CHKA: variants seen among roughly 807,000 people sequenced by gnomAD.
CHKA encodes CHETK-alpha.
A neutral mutation model predicts 60.1 loss-of-function variants in CHKA; 34 were observed. The observed-to-expected ratio is 0.57, with a 90% CI of 0.43 to 0.75. The LOEUF is 0.75. Ranked by LOEUF, CHKA falls within the 30% of genes least tolerant of loss-of-function variation. The pLI is 0.00. For synonymous variants in CHKA, 217 were observed against 223.1 expected (o/e 0.97, Z 0.24); for missense variants, 563 against 561.3 (o/e 1.00, Z -0.03).
intron 1 of CHKA, among the ~76,000 whole-genome samples, chr11:68,116,852 T>A (rs1004486314): frequency 2.0e-5 from 3 of 152,156 alleles, no homozygotes; most frequent in African/African-American, 7.2e-5. Flanking sequence ...TAACAACAAC[T>A]CTCATGTTAG....
intron 2 of CHKA, among the ~76,000 whole-genome samples, chr11:68,095,899 G>A (rs879707744): frequency 4.1e-5 from 6 of 146,184 alleles, no homozygotes; most frequent in African/African-American, 7.6e-5. Context: ...AAAATTAGGC[G>A]GGTGTAGTGG....
chr11:68,070,793 A>G lies in CHKA; in HGVS notation c.695T>C (p.Met232Thr), dbSNP rs752926601. The G allele has an allele frequency of 6.2e-7, 1 of 1,613,246 alleles. No homozygotes were observed. Among genetic ancestry groups the G allele is most frequent in the East Asian group, 2.2e-5 (1 of 44,854 alleles). ...PDISAEIAEK[M>T]ATFHGMKMPF... ...CATTTTCATACCATGAAATGTAGCC[A>G]TTTTCTCGGCGATTTCTGCAGAAAT... is the stretch of plus-strand genomic sequence containing the variant. Residue 232 changes from methionine to threonine, a missense_variant, in exon 5 of 12, where the codon ATG (methionine) becomes ACG (threonine). Physicochemically the swap from Met to Thr is moderately conservative, Grantham distance 81 (BLOSUM62 -1). Coordinates refer to ENST00000265689, the MANE Select transcript of CHKA (RefSeq NM_001277.3).
intron 2 of CHKA, among the ~76,000 whole-genome samples, chr11:68,089,043 C>A (rs2511437): frequency 0.62 from 93,568 of 152,092 alleles, 28,833 homozygotes; most frequent in Middle Eastern, 0.75. Context: ...GCCTAAAACA[C>A]CTTGATCTTT....
chr11:68,085,752 G>T (rs1362469746), intron 2 of CHKA, among the ~76,000 whole-genome samples: 1 of 151,792 alleles, frequency 6.6e-6, no homozygotes, highest in African/African-American at 2.4e-5. Flanking sequence ...AGGCTTTGGG[G>T]TTTTTTTGTT....
intron 11 of CHKA, among the ~76,000 whole-genome samples, chr11:68,054,955 T>C (rs1855950740): frequency 6.6e-6 from 1 of 152,256 alleles, no homozygotes; most frequent in African/African-American, 2.4e-5. Context: ...CTCAGCGTGC[T>C]GTCTCTGAGT....
At chr11:68,058,818 C>T (rs1856118609) in intron 11 of CHKA, among the ~76,000 whole-genome samples, 1 of 152,192 alleles carries the variant, frequency 6.6e-6, no homozygotes, top group Non-Finnish European at 1.5e-5. Flanking sequence ...AACAGGCGTC[C>T]TTGCATGTTC....
intron 1 of CHKA, among the ~76,000 whole-genome samples, chr11:68,114,313 T>C (rs1418659137): frequency 6.6e-6 from 1 of 152,224 alleles, no homozygotes; most frequent in Non-Finnish European, 1.5e-5. Context: ...CCAGATGTCC[T>C]TCAGTAGATG....
intron 2 of CHKA, among the ~76,000 whole-genome samples, chr11:68,095,636 G>A (rs1168538254): frequency 7.0e-6 from 1 of 142,890 alleles, no homozygotes; most frequent in African/African-American, 2.6e-5. Context: ...GTGAACCCGG[G>A]AGGCAGAGTT....
rs1856792214 is a variant in CHKA at position 68,076,456 on chromosome 11, G to A, written c.517-1626C>T. Reference sequence around the variant, plus strand: ...AAGCCCAACATCACAGAAAGTATCCGGGGCATTTAAGCAAGGGTCTGCAAA... The same window carrying A: ...AAGCCCAACATCACAGAAAGTATCCAGGGCATTTAAGCAAGGGTCTGCAAA... On this transcript the variant is annotated intron_variant, in intron 3 of 11. Coordinates refer to ENST00000265689, the MANE Select transcript of CHKA (RefSeq NM_001277.3). 3.3e-5 allele frequency among the ~76,000 whole-genome samples: 5 copies of A among 152,156 alleles called. No homozygotes were observed. The South Asian group carries it at 8.3e-4, about 25-fold the overall frequency.
intron 11 of CHKA, chr11:68,061,502 AC>A: frequency 3.9e-6 from 1 of 253,794 alleles, no homozygotes. Context: ...CCAGCTTCCA[AC>A]CCAAAGTCGG....
intron 2 of CHKA, among the ~76,000 whole-genome samples, chr11:68,086,202 T>C (rs965848667): frequency 4.5e-4 from 69 of 152,120 alleles, no homozygotes; most frequent in African/African-American, 1.6e-3. Context: ...AAGTCTCAGC[T>C]ACTCGGGAAG....
intron 4 of CHKA, among the ~76,000 whole-genome samples, chr11:68,071,204 C>T (rs1856606569): frequency 6.6e-6 from 1 of 152,196 alleles, no homozygotes; most frequent in Non-Finnish European, 1.5e-5. Context: ...TGCTGAAGTC[C>T]ATGTCTTCAG....
chr11:68,064,224 T>C (rs1475807601), intron 10 of CHKA, among the ~76,000 whole-genome samples: 5 of 152,076 alleles, frequency 3.3e-5, no homozygotes, highest in Non-Finnish European at 7.4e-5. Context: ...CTGGCCAACA[T>C]GGCAAAAACC....
At position 68,101,034 on chromosome 11, in the gene CHKA, A is replaced by C. The variant is rs991731531; in HGVS notation, c.351-3904T>G. On this transcript the variant is annotated intron_variant, in intron 1 of 11. Coordinates refer to ENST00000265689, the MANE Select transcript of CHKA (RefSeq NM_001277.3). ...GCGATCTCGGCTCACTGCAAGCTCC[A>C]CCTCCCAGGTTCACACCATTCTCCT... Among the ~76,000 whole-genome samples the C allele has an allele frequency of 4.0e-5, 5 of 125,444 alleles. No homozygotes were observed. In the Admixed American group the frequency reaches 5.6e-4, roughly 14 times the overall value. 82.3% of individuals were successfully genotyped at this position (125,444 alleles called of 152,430 possible).
Position 68,065,883 on chromosome 11 carries a change from A to G in CHKA, c.1028T>C (p.Ile343Thr), listed in dbSNP as rs1208002620. ...CATCCACTCACAGAAGTGATTTCCA[A>G]TGTCGAATCCCCTGAAATAAGACAT... Reference protein sequence around the residue: ...YSSYNYRGFDIGNHFCEWMYD... With the variant: ...YSSYNYRGFDTGNHFCEWMYD... The change falls in exon 9 of 12, where the codon ATT (isoleucine) becomes ACT (threonine). Residue 343 changes from isoleucine to threonine, a missense_variant. Physicochemically the swap from Ile to Thr is moderately conservative, Grantham distance 89. Coordinates refer to ENST00000265689, the MANE Select transcript of CHKA (RefSeq NM_001277.3). The G allele has an allele frequency of 6.3e-7, 1 of 1,599,138 alleles. No individual in the cohort carries two copies. The highest frequency in any genetic ancestry group is 8.6e-7 in the Non-Finnish European group (1 of 1,167,884).
At position 68,072,654 on chromosome 11, in the gene CHKA, G is replaced by A. The variant is rs920862522; in HGVS notation, c.631-1797C>T. On this transcript the variant is annotated intron_variant, in intron 4 of 11. Coordinates refer to ENST00000265689, the MANE Select transcript of CHKA (RefSeq NM_001277.3). ...TGGTCAAAAACAGTCAAACACCGGC[G>A]GCGTCATATGGTTCAAACCTAGTAT... Among the ~76,000 whole-genome samples the A allele has an allele frequency of 4.0e-5, 6 of 151,778 alleles. No homozygotes were observed. In the South Asian group the frequency reaches 6.2e-4, roughly 16 times the overall value.
At chr11:68,074,895 A>C in intron 3 of CHKA, 65 bp from the exon 4 acceptor site, 1 of 1,469,038 alleles carries the variant, frequency 6.8e-7, no homozygotes, top group African/African-American at 1.4e-5. Context: ...CATCAGAAGC[A>C]CTCTCACAGG....
At chr11:68,116,649 A>G (rs867774924) in intron 1 of CHKA, among the ~76,000 whole-genome samples, 11 of 152,090 alleles carry the variant, frequency 7.2e-5, no homozygotes, top group Non-Finnish European at 1.5e-4. Context: ...CCTGGGAGGC[A>G]GAGGTTGCAG....
At chr11:68,063,640 T>C (rs1856331526) in intron 10 of CHKA, among the ~76,000 whole-genome samples, 1 of 152,164 alleles carries the variant, frequency 6.6e-6, no homozygotes, top group Admixed American at 6.5e-5. Flanking sequence ...TGGCTCTGTC[T>C]CCCCACCCAA....
Sources: allele counts gnomAD v4.1 joint callset (sites outside exome capture counted in the v4.1 genomes callset), GRCh38; gene constraint gnomAD v4.1.1; transcripts MANE v1.5; gene names NCBI Gene and HGNC (gene_info 2026-07-23, HGNC 2026-07-21).